ZFYVE9: variants seen among roughly 807,000 people sequenced by gnomAD.
ZFYVE9 encodes zinc finger FYVE domain-containing protein 9.
In ZFYVE9, 43 loss-of-function variants were observed where a neutral mutation model predicts 126.7. That is an observed-to-expected ratio of 0.34 (90% confidence interval 0.27 to 0.44). The LOEUF is 0.44. ZFYVE9 is among the 20% of genes least tolerant of loss of function. The pLI is 1.00. For missense variants in ZFYVE9, 1,476 were observed against 1,697.0 expected (o/e 0.87, Z 2.29); for synonymous variants, 521 against 597.4 (o/e 0.87, Z 1.87).
At chr1:52,186,014 G>A (rs1157672690) in intron 1 of ZFYVE9, among the ~76,000 whole-genome samples, 2 of 151,648 alleles carry the variant, frequency 1.3e-5, no homozygotes, top group Non-Finnish European at 2.9e-5. Context: ...GCCGAGACGG[G>A]TGGATCACTT....
At chr1:52,144,145 C>T (rs576950142) in intron 1 of ZFYVE9, among the ~76,000 whole-genome samples, 12 of 152,074 alleles carry the variant, frequency 7.9e-5, no homozygotes, top group Non-Finnish European at 1.2e-4. Context: ...TATGGTGAAA[C>T]CCCGTCTCTA....
intron 13 of ZFYVE9, among the ~76,000 whole-genome samples, chr1:52,322,376 T>C (rs1181682146): frequency 2.7e-5 from 4 of 145,502 alleles, no homozygotes; most frequent in Non-Finnish European, 4.4e-5. Context: ...AGTGGTCTTT[T>C]CTTTTTTTTT....
At chr1:52,342,208 C>G (rs972918106) in intron 17 of ZFYVE9, among the ~76,000 whole-genome samples, 3 of 151,712 alleles carry the variant, frequency 2.0e-5, no homozygotes, top group Non-Finnish European at 4.4e-5. Context: ...GAGCAGTAAG[C>G]TAGGGGTTGC....
chr1:52,252,048 C>T (rs961985217), intron 4 of ZFYVE9: 2 of 163,106 alleles, frequency 1.2e-5, no homozygotes, highest in Non-Finnish European at 1.4e-5. Flanking sequence ...ACTTAAAATT[C>T]ATACATTTAC....
At position 52,259,220 on chromosome 1, in the gene ZFYVE9, C is replaced by T. The variant is rs537415631; in HGVS notation, c.2179-4553C>T. Among the ~76,000 whole-genome samples, 326 of 152,094 alleles carry T rather than the reference C, an allele frequency of 2.1e-3. 1 individual carries two copies. The highest frequency in any genetic ancestry group is 3.5e-3 in the Non-Finnish European group (236 of 67,990). ...TGTATACCTGTGTCCATATTTGCCT[C>T]TTTTATAAGGGTATCAGTCATGTTG... On this transcript the variant is annotated intron_variant, in intron 4 of 18. Transcript: ENST00000287727.
chr1:52,247,372 C>A (rs1466500279), intron 4 of ZFYVE9, among the ~76,000 whole-genome samples: 1 of 152,116 alleles, frequency 6.6e-6, no homozygotes, highest in Non-Finnish European at 1.5e-5. Flanking sequence ...ATACTAGTCA[C>A]AATTTTTTAT....
chr1:52,195,855 C>T (rs543022259), intron 1 of ZFYVE9, among the ~76,000 whole-genome samples: 24 of 151,836 alleles, frequency 1.6e-4, no homozygotes, highest in East Asian at 9.7e-4. Flanking sequence ...TGCAGTGGCC[C>T]GATCTCAGCA....
chr1:52,160,356 C>G (rs1267682758), intron 1 of ZFYVE9: 1 of 1,155,672 alleles, frequency 8.7e-7, no homozygotes, highest in East Asian at 2.3e-5. Flanking sequence ...GTCACAAATT[C>G]ATCAACTTTT....
At chr1:52,268,094 C>T (rs1569630410) in intron 6 of ZFYVE9, among the ~76,000 whole-genome samples, 1 of 152,168 alleles carries the variant, frequency 6.6e-6, no homozygotes, top group South Asian at 2.1e-4. Context: ...ATGTGAATGT[C>T]TATTGCTTTT....
chr1:52,210,632 G>C (rs1645019469), intron 1 of ZFYVE9, among the ~76,000 whole-genome samples: 1 of 152,018 alleles, frequency 6.6e-6, no homozygotes, highest in African/African-American at 2.4e-5. Flanking sequence ...GGATTGATTG[G>C]GCTTACTTAA....
chr1:52,277,402 C>T (rs930085971), intron 8 of ZFYVE9, among the ~76,000 whole-genome samples: 1 of 152,118 alleles, frequency 6.6e-6, no homozygotes. Flanking sequence ...ATTGTCAAAA[C>T]TTCTCCTACC....
At chr1:52,318,429 AAGAAG>A (rs1409204119) in intron 13 of ZFYVE9, among the ~76,000 whole-genome samples, 1 of 146,666 alleles carries the variant, frequency 6.8e-6, no homozygotes. Flanking sequence ...TTGGCAATCT[AAGAAG>A]AGAACTTTCA....
chr1:52,181,131 G>A (rs925948030), intron 1 of ZFYVE9, among the ~76,000 whole-genome samples: 2 of 151,502 alleles, frequency 1.3e-5, no homozygotes, highest in Admixed American at 6.6e-5. Flanking sequence ...CTCTGATGCC[G>A]AGCCGAAGCT....
chr1:52,327,463 G>A (rs369139036), intron 13 of ZFYVE9, among the ~76,000 whole-genome samples: 6 of 151,148 alleles, frequency 4.0e-5, no homozygotes, highest in African/African-American at 9.7e-5. Flanking sequence ...TTAGTGGGGC[G>A]TGGTGGCGTG....
At chr1:52,162,848 C>T (rs1644475713) in intron 1 of ZFYVE9, 1 of 438,656 alleles carries the variant, frequency 2.3e-6, no homozygotes, top group Admixed American at 2.8e-5. Context: ...ATGAGAATGC[C>T]TCCTTGACAT....
At chr1:52,164,637 C>T (rs1342235799) in intron 1 of ZFYVE9, among the ~76,000 whole-genome samples, 1 of 151,700 alleles carries the variant, frequency 6.6e-6, no homozygotes, top group Non-Finnish European at 1.5e-5. Flanking sequence ...TATCTTTGTC[C>T]GTCCGTCCAT....
At chr1:52,333,290 A>T (rs773021423) in intron 14 of ZFYVE9, among the ~76,000 whole-genome samples, 18 of 113,332 alleles carry the variant, frequency 1.6e-4, no homozygotes, top group South Asian at 2.8e-4. Context: ...TATAATAATT[A>T]AAAAAAAAAA....
chr1:52,226,695 A>C (rs1384769085), intron 2 of ZFYVE9, among the ~76,000 whole-genome samples: 1 of 152,192 alleles, frequency 6.6e-6, no homozygotes, highest in Non-Finnish European at 1.5e-5. Context: ...TTGGTTTTAT[A>C]CATTTTAGGG....
intron 1 of ZFYVE9, among the ~76,000 whole-genome samples, chr1:52,160,938 C>G (rs1187738258): frequency 6.6e-6 from 1 of 152,196 alleles, no homozygotes; most frequent in Non-Finnish European, 1.5e-5. Flanking sequence ...AATCCCCACT[C>G]TCCTTATTCT....
Sources: allele counts gnomAD v4.1 joint callset (sites outside exome capture counted in the v4.1 genomes callset), GRCh38; gene constraint gnomAD v4.1.1; transcripts MANE v1.5; gene names NCBI Gene and HGNC (gene_info 2026-07-23, HGNC 2026-07-21).